Variants in YTHDF3 observed in about 807,000 individuals in gnomAD.
YTHDF3 encodes the protein YTH domain-containing family protein 3.
A neutral mutation model predicts 52.5 loss-of-function variants in YTHDF3; 9 were observed. The observed-to-expected ratio is 0.17, with a 90% confidence interval of 0.10 to 0.30. YTHDF3 has a LOEUF of 0.30. Ranked by LOEUF, YTHDF3 falls within the 10% of genes least tolerant of loss-of-function variation. The pLI, the probability that YTHDF3 is intolerant of heterozygous loss-of-function variation, is 1.00. For synonymous variants in YTHDF3, 274 were observed against 243.3 expected (o/e 1.13, Z -1.18); for missense variants, 534 against 715.0 (o/e 0.75, Z 2.89).
chr8:63,174,250 C>CT (rs1349246853), intron 2 of YTHDF3, among the ~76,000 whole-genome samples: 4 of 152,298 alleles, frequency 2.6e-5, no homozygotes, highest in South Asian at 2.1e-4. Flanking sequence ...AAACTTTCAA[C>CT]TTTATCTTCA....
At chr8:63,169,355 C>G in intron 1 of YTHDF3, 32 bp from the exon 2 acceptor site, 2 of 1,593,414 alleles carry the variant, frequency 1.3e-6, no homozygotes, top group East Asian at 2.2e-5. Flanking sequence ...CCTTTTTCTC[C>G]TCTTTACCGC....
At chr8:63,193,339 C>G (rs1001251195) in intron 4 of YTHDF3, among the ~76,000 whole-genome samples, 13 of 147,416 alleles carry the variant, frequency 8.8e-5, no homozygotes, top group African/African-American at 1.3e-4. Flanking sequence ...TTGCACCACT[C>G]CACTCCAGCC....
intron 2 of YTHDF3, 63 bp downstream of exon 2, chr8:63,169,474 G>C: frequency 6.6e-7 from 1 of 1,508,362 alleles, no homozygotes; most frequent in Non-Finnish European, 9.0e-7. Flanking sequence ...TTTAAACTCT[G>C]TGAGGGTATT....
At chr8:63,194,526 G>A (rs1408763434) in intron 4 of YTHDF3, among the ~76,000 whole-genome samples, 1 of 152,060 alleles carries the variant, frequency 6.6e-6, no homozygotes, top group Admixed American at 6.6e-5. Context: ...TAAATTTTGG[G>A]GGGAATAAGA....
rs756867588 is a variant in YTHDF3 at position 63,186,639 on chromosome 8, A to G, written c.628A>G (p.Thr210Ala). The change falls in exon 4 of 5, where the codon ACA becomes GCA. Residue 210 changes from threonine to alanine, a missense_variant. By Grantham distance (58) the Thr-to-Ala change is moderately conservative. Around this residue, in one of 3 missense-constraint regions of YTHDF3, gnomAD observed 196 missense variants for 299.5 expected, o/e 0.65. Coordinates refer to ENST00000539294, the MANE Select transcript of YTHDF3 (RefSeq NM_152758.6). Reference sequence around the variant, plus strand: ...AGCTGCAGTGACAAAAACTGTAGGTACAGCTTTGAGCAGCAGTGGTATGAC... The same window carrying G: ...AGCTGCAGTGACAAAAACTGTAGGTGCAGCTTTGAGCAGCAGTGGTATGAC... Reference protein sequence around the residue: ...LTAAVTKTVGTALSSSGMTSI... With the variant: ...LTAAVTKTVGAALSSSGMTSI... 36 of 1,613,904 alleles carry G rather than the reference A, an allele frequency of 2.2e-5. No individual in the cohort carries two copies. The highest frequency in any genetic ancestry group is 3.0e-5 in the Non-Finnish European group (35 of 1,179,902).
chr8:63,169,544 G>C, intron 2 of YTHDF3, 133 bp downstream of exon 2: 3 of 991,448 alleles, frequency 3.0e-6, no homozygotes, highest in Non-Finnish European at 4.5e-6. Context: ...ATTCATCATG[G>C]CTAAGGTAGC....
chr8:63,184,427 C>T (rs1449912795), intron 3 of YTHDF3, among the ~76,000 whole-genome samples: 1 of 152,148 alleles, frequency 6.6e-6, no homozygotes, highest in Non-Finnish European at 1.5e-5. Flanking sequence ...TTATTTTAGT[C>T]ATATCAGAGA....
chr8:63,194,502 A>T (rs1221521048), intron 4 of YTHDF3, among the ~76,000 whole-genome samples: 1 of 147,938 alleles, frequency 6.8e-6, no homozygotes, highest in Admixed American at 6.7e-5. Context: ...CAATAAAAGT[A>T]AAAAAAAAAT....
At chr8:63,202,136 A>G (rs776945485) in intron 4 of YTHDF3, among the ~76,000 whole-genome samples, 30 of 152,242 alleles carry the variant, frequency 2.0e-4, no homozygotes, top group Non-Finnish European at 2.9e-4. Context: ...TAATTTTGCA[A>G]TGCTAGAGCC....
At chr8:63,179,595 T>C (rs1807939539) in intron 3 of YTHDF3, among the ~76,000 whole-genome samples, 1 of 152,176 alleles carries the variant, frequency 6.6e-6, no homozygotes, top group African/African-American at 2.4e-5. Flanking sequence ...CAGAACAAAA[T>C]GAAAAGTCTC....
At chr8:63,196,062 G>A (rs1044253252) in intron 4 of YTHDF3, among the ~76,000 whole-genome samples, 25 of 151,784 alleles carry the variant, frequency 1.6e-4, no homozygotes, top group Admixed American at 6.6e-5. Flanking sequence ...CAAAGTTCTG[G>A]GATTACAGGC....
At chr8:63,171,197 C>G (rs1807300193) in intron 2 of YTHDF3, among the ~76,000 whole-genome samples, 2 of 152,084 alleles carry the variant, frequency 1.3e-5, no homozygotes, top group African/African-American at 4.8e-5. Context: ...GTCCTGAGTT[C>G]TAATACTGCC....
chr8:63,168,766 G>T lies in YTHDF3; in HGVS notation c.-112G>T. On this transcript the variant is annotated 5_prime_UTR_variant, in exon 1 of 5. Coordinates refer to ENST00000539294, the MANE Select transcript of YTHDF3 (RefSeq NM_152758.6). ...TTTGGGTTCTCAGCGAACGGCGGCA[G>T]CGGCGGCGGCTGGAACAATCACTCG... 5 of 1,544,746 alleles carry T rather than the reference G, an allele frequency of 3.2e-6. No homozygotes were observed. The highest frequency in any genetic ancestry group is 1.4e-5 in the African/African-American group (1 of 72,904).
chr8:63,195,574 T>G (rs1360997300), intron 4 of YTHDF3, among the ~76,000 whole-genome samples: 2 of 152,206 alleles, frequency 1.3e-5, no homozygotes, highest in Non-Finnish European at 2.9e-5. Context: ...GGTGCTCCAG[T>G]ATTTCTCTGA....
At chr8:63,185,835 A>G (rs528576708) in intron 3 of YTHDF3, among the ~76,000 whole-genome samples, 2 of 152,326 alleles carry the variant, frequency 1.3e-5, no homozygotes, top group East Asian at 3.9e-4. Flanking sequence ...CCTTTTGTAG[A>G]AATTATGATA....
At chr8:63,179,936 C>T (rs2130028124) in intron 3 of YTHDF3, among the ~76,000 whole-genome samples, 1 of 150,854 alleles carries the variant, frequency 6.6e-6, no homozygotes, top group East Asian at 2.0e-4. Context: ...CAGAGGCACC[C>T]CTCACCTCCC....
At chr8:63,191,147 T>G (rs1287905394) in intron 4 of YTHDF3, among the ~76,000 whole-genome samples, 3 of 152,170 alleles carry the variant, frequency 2.0e-5, no homozygotes, top group African/African-American at 7.2e-5. Flanking sequence ...AAATAGCTGT[T>G]TTTTTGGTGT....
rs201903186 is a variant in YTHDF3 at position 63,186,667 on chromosome 8, G to A, written c.656G>A (p.Ser219Asn). Residue 219 changes from serine to asparagine, a missense_variant, in exon 4 of 5, where the codon AGC becomes AAC. Physicochemically the swap from Ser to Asn is conservative, Grantham distance 46. This residue lies in a region of YTHDF3 where 196 missense variants were observed against 299.5 expected (regional missense o/e 0.65). Coordinates refer to ENST00000539294, the MANE Select transcript of YTHDF3 (RefSeq NM_152758.6). ...GCTTTGAGCAGCAGTGGTATGACTA[G>A]CATTGCAACCAATAGTGTGCCCCCA... ...GTALSSSGMT[S>N]IATNSVPPVS... 135 of 1,613,848 alleles carry A rather than the reference G, an allele frequency of 8.4e-5. No homozygotes were observed. Among genetic ancestry groups the A allele is most frequent in the Non-Finnish European group, 1.3e-5 (15 of 1,179,906 alleles).
intron 4 of YTHDF3, among the ~76,000 whole-genome samples, chr8:63,198,342 C>T (rs1351326651): frequency 6.6e-6 from 1 of 152,134 alleles, no homozygotes; most frequent in Non-Finnish European, 1.5e-5. Flanking sequence ...TCTGGGCTCA[C>T]TGCAGTCTCC....
Sources: gnomAD v4.1 joint callset for allele counts (sites outside exome capture counted in the v4.1 genomes callset) on GRCh38, gnomAD v4.1.1 for gene constraint, gnomAD v4.1.1 regional missense constraint, MANE v1.5 for transcripts, NCBI Gene and HGNC (gene_info 2026-07-23, HGNC 2026-07-21) for gene names.